The following SFXN1 variants were observed in gnomAD, a reference collection of about 807,000 sequenced individuals.
SFXN1 encodes the protein sideroflexin 1, also known as sideroflexin-1.
Under a neutral mutation model 39.5 loss-of-function variants are expected in SFXN1, and 32 were observed. That is an observed-to-expected ratio of 0.81 (90% CI 0.61 to 1.09). SFXN1 has a LOEUF of 1.09. Ranked by LOEUF, SFXN1 falls within the 50% of genes least tolerant of loss-of-function variation. The pLI is 0.00. For synonymous variants in SFXN1, 136 were observed against 146.5 expected, an observed-to-expected ratio of 0.93 and a Z score of 0.52; for missense variants, 402 against 407.1, an observed-to-expected ratio of 0.99 and a Z score of 0.11.
intron 7 of SFXN1, among the ~76,000 whole-genome samples, chr5:175,515,083 A>G (rs905667661): frequency 6.6e-6 from 1 of 152,166 alleles, no homozygotes; most frequent in African/African-American, 2.4e-5. Context: ...TGCTGTGATC[A>G]TGGCTCACTG....
Position 175,527,001 on chromosome 5 carries a change from C to T in SFXN1, c.*267C>T, listed in dbSNP as rs979433706. ...GTCATTGTTTTTCAAAGACGATATA[C>T]CAGCCCTCACCCAGGTTTTAAAAAA... On this transcript the variant is annotated 3_prime_UTR_variant, in exon 11 of 11. Transcript: ENST00000321442. 2 of 436,202 alleles carry T rather than the reference C, an allele frequency of 4.6e-6. No homozygotes were observed. The highest frequency in any genetic ancestry group is 8.0e-5 in the Admixed American group (2 of 24,886). 27.0% of individuals were successfully genotyped at this position (436,202 alleles called of 1,614,324 possible).
At chr5:175,510,004 CT>C in intron 3 of SFXN1, 104 bp from the exon 4 acceptor site, 1 of 865,962 alleles carries the variant, frequency 1.2e-6, no homozygotes, top group Non-Finnish European at 1.8e-6. Flanking sequence ...GGCTTTCTCC[CT>C]TCCCCAGTAC....
intron 2 of SFXN1, among the ~76,000 whole-genome samples, chr5:175,508,670 G>A (rs1032326511): frequency 4.0e-5 from 6 of 151,542 alleles, no homozygotes; most frequent in South Asian, 2.1e-4. Flanking sequence ...ACAGAGTCTC[G>A]CTTTGTCACC....
chr5:175,517,347 T>G (rs1760741907), intron 8 of SFXN1, among the ~76,000 whole-genome samples: 1 of 152,104 alleles, frequency 6.6e-6, no homozygotes, highest in South Asian at 2.1e-4. Context: ...TTTGGAAGTG[T>G]GCTGCCATGC....
chr5:175,513,266 C>T (rs1050750773), intron 6 of SFXN1, among the ~76,000 whole-genome samples, 197 bp from the exon 7 acceptor site: 2 of 128,108 alleles, frequency 1.6e-5, no homozygotes, highest in Non-Finnish European at 3.1e-5. Context: ...GCCACCACTA[C>T]ACTCCAGCCT....
At chr5:175,495,119 C>A (rs1260385203) in intron 2 of SFXN1, among the ~76,000 whole-genome samples, 1 of 152,172 alleles carries the variant, frequency 6.6e-6, no homozygotes, top group African/African-American at 2.4e-5. Context: ...TAGCATTCAG[C>A]CTTCAAAAGG....
chr5:175,513,255 A>G lies in SFXN1; in HGVS notation c.597-208A>G, dbSNP rs539889045. Among the ~76,000 whole-genome samples, 3 of 146,178 alleles carry G rather than the reference A, an allele frequency of 2.1e-5. No individual in the cohort carries two copies. The East Asian group carries it at 6.5e-4, about 32-fold the overall frequency. On this transcript the variant is annotated intron_variant, in intron 6 of 10. Coordinates refer to ENST00000321442, the MANE Select transcript of SFXN1 (RefSeq NM_022754.7). ...GGCAGAGGTTGCAGTCAGTGGAGAT[A>G]GCCACCACTACACTCCAGCCTGGGC...
At chr5:175,512,732 T>G (rs1173561259) in intron 6 of SFXN1, among the ~76,000 whole-genome samples, 1 of 152,188 alleles carries the variant, frequency 6.6e-6, no homozygotes, top group Non-Finnish European at 1.5e-5. Flanking sequence ...TTAGTGTTAG[T>G]AAATATAGTT....
intron 2 of SFXN1, among the ~76,000 whole-genome samples, chr5:175,503,745 A>G (rs2662159): frequency 0.46 from 70,523 of 151,788 alleles, 18,321 homozygotes; most frequent in African/African-American, 0.72. Flanking sequence ...GCTCACGCCC[A>G]TAATCCCAAC....
chr5:175,521,843 C>T lies in SFXN1; in HGVS notation c.775-76C>T. 3.4e-6 allele frequency: 4 copies of T among 1,183,662 alleles called. No individual in the cohort carries two copies. In the South Asian group the frequency reaches 6.6e-5, roughly 19 times the overall value. The allele number at this position is 1,183,662 out of a possible 1,614,324, so 73.3% of individuals were successfully genotyped here. On this transcript the variant is annotated intron_variant, in intron 8 of 10. Transcript: ENST00000321442. ...AATCTTGAAATGTGGTGAGAGGTTC[C>T]TTCCAGTTAATCAGAAGATATTGCC...
intron 2 of SFXN1, among the ~76,000 whole-genome samples, chr5:175,507,226 A>G (rs1034893882): frequency 2.6e-5 from 4 of 151,364 alleles, no homozygotes; most frequent in African/African-American, 7.3e-5. Flanking sequence ...GACACCATTC[A>G]TTGGATTTAG....
At chr5:175,520,399 G>T (rs1251302639) in intron 8 of SFXN1, among the ~76,000 whole-genome samples, 1 of 152,114 alleles carries the variant, frequency 6.6e-6, no homozygotes, top group African/African-American at 2.4e-5. Context: ...TGACTAATGT[G>T]GTATCAGACT....
rs758077576 is a variant in SFXN1 at position 175,513,604 on chromosome 5, T to G, written c.724+14T>G. On this transcript the variant is annotated intron_variant, in intron 7 of 10. Transcript: ENST00000321442. ...CCCCTGGCATGGGTTAGCAGGACTT[T>G]GTCATTTATTCCATAAATACAGGTT... is the stretch of plus-strand genomic sequence containing the variant. 2.5e-6 allele frequency: 4 copies of G among 1,613,326 alleles called. No individual in the cohort carries two copies. The highest frequency in any genetic ancestry group is 2.2e-5 in the East Asian group (1 of 44,850).
chr5:175,504,449 C>T (rs1045286540), intron 2 of SFXN1, among the ~76,000 whole-genome samples: 4 of 151,852 alleles, frequency 2.6e-5, no homozygotes, highest in Non-Finnish European at 5.9e-5. Flanking sequence ...GTGGCGCACA[C>T]CTGTAGTCGC....
chr5:175,525,213 G>GTGGCA (rs1761021613), intron 10 of SFXN1, among the ~76,000 whole-genome samples: 1 of 152,172 alleles, frequency 6.6e-6, no homozygotes, highest in South Asian at 2.1e-4. Context: ...GATACTTAGA[G>GTGGCA]ATCAGTGGCA....
chr5:175,526,814 C>A lies in SFXN1; in HGVS notation c.*80C>A. The A allele has an allele frequency of 8.6e-7, 1 of 1,159,042 alleles. No homozygotes were observed. Among genetic ancestry groups the A allele is most frequent in the Non-Finnish European group, 1.3e-6 (1 of 775,402 alleles). 71.8% of individuals were successfully genotyped at this position (1,159,042 alleles called of 1,614,324 possible). A position where few individuals can be genotyped will look rare whatever the true frequency, so the allele number is the denominator to read the frequency against. ...TGCTGGTGAGAAAAATCCTGTTCAA[C>A]CTGGGTTCTCCCAGTTACGGAAACC... On this transcript the variant is annotated 3_prime_UTR_variant, in exon 11 of 11. Transcript: ENST00000321442.
In SFXN1 at chr5:175,529,449, C is replaced by T. The variant is rs1207419060; in HGVS notation, c.*2715C>T. On this transcript the variant is annotated 3_prime_UTR_variant, in exon 11 of 11. Transcript: ENST00000321442. ...TAATGCTTTTATATAAAGCTATCAA[C>T]TGTATGTTGATCACAGTTTATAAGA... 1 of 150,372 alleles carries T rather than the reference C, an allele frequency of 6.7e-6. No individual in the cohort carries two copies. Among genetic ancestry groups the T allele is most frequent in the Non-Finnish European group, 1.5e-5 (1 of 67,986 alleles). 9.3% of individuals were successfully genotyped at this position (150,372 alleles called of 1,614,324 possible). A position where few individuals can be genotyped will look rare whatever the true frequency, so the allele number is the denominator to read the frequency against.
chr5:175,513,758 G>T, intron 7 of SFXN1, 168 bp downstream of exon 7: 1 of 684,230 alleles, frequency 1.5e-6, no homozygotes, highest in Non-Finnish European at 2.4e-6. Flanking sequence ...GTGCAGTGGT[G>T]ATGAGGGCAA....
At position 175,513,604 on chromosome 5, in the gene SFXN1, T is replaced by C. The variant is rs758077576; in HGVS notation, c.724+14T>C. The stretch of plus-strand genomic sequence containing the variant: ...CCCCTGGCATGGGTTAGCAGGACTT[T>C]GTCATTTATTCCATAAATACAGGTT... On this transcript the variant is annotated intron_variant, in intron 7 of 10. Coordinates refer to ENST00000321442, the MANE Select transcript of SFXN1 (RefSeq NM_022754.7). 2 of 1,613,326 alleles carry C rather than the reference T, an allele frequency of 1.2e-6. No homozygotes were observed. The highest frequency in any genetic ancestry group is 8.5e-7 in the Non-Finnish European group (1 of 1,179,544).
Sources: allele counts gnomAD v4.1 joint callset (sites outside exome capture counted in the v4.1 genomes callset), GRCh38; gene constraint gnomAD v4.1.1; transcripts MANE v1.5; gene names NCBI Gene and HGNC (gene_info 2026-07-23, HGNC 2026-07-21).